The following WFDC8 variants were observed in gnomAD, a reference collection of about 807,000 sequenced individuals.
The protein encoded by WFDC8 is WAP four-disulfide core domain protein 8.
Under a neutral mutation model 27.0 loss-of-function variants are expected in WFDC8, and 24 were observed. The ratio of observed to expected loss-of-function variants is 0.89; its 90% CI spans 0.64 to 1.25. WFDC8 has a LOEUF of 1.25. Ranked by LOEUF, WFDC8 falls within the 50% of genes most tolerant of loss-of-function variation. The pLI is 0.00. For missense variants in WFDC8, 287 were observed against 295.9 expected (o/e 0.97, Z 0.22); for synonymous variants, 106 against 99.7 (o/e 1.06, Z -0.38).
At chr20:45,567,881 A>T (rs779438722) in intron 1 of WFDC8, 10 of 167,546 alleles carry the variant, frequency 6.0e-5, no homozygotes, top group Non-Finnish European at 1.3e-4. Context: ...GCTGCAGTGC[A>T]GCCGGGCCAT....
intron 1 of WFDC8, chr20:45,568,498 A>C: frequency 3.0e-6 from 1 of 334,844 alleles, no homozygotes; most frequent in South Asian, 2.8e-5. Flanking sequence ...CTGAAATTGT[A>C]TTCTTGATAG....
intron 1 of WFDC8, among the ~76,000 whole-genome samples, chr20:45,566,392 T>C (rs4812917): frequency 0.38 from 58,261 of 152,048 alleles, 11,635 homozygotes; most frequent in Non-Finnish European, 0.43. Flanking sequence ...CCAGGTGCAG[T>C]GGCTCATGCC....
At chr20:45,562,256 A>G (rs1415063333) in intron 1 of WFDC8, 37 bp from the exon 2 acceptor site, 2 of 1,551,710 alleles carry the variant, frequency 1.3e-6, no homozygotes, top group Non-Finnish European at 1.8e-6. Context: ...GTTAAGCACA[A>G]TCCAGAGAGA....
chr20:45,552,170 A>G lies in WFDC8; in HGVS notation c.587-5T>C, dbSNP rs904847993. 1 of 1,612,832 alleles carries G rather than the reference A, an allele frequency of 6.2e-7. No individual in the cohort carries two copies. Among genetic ancestry groups the G allele is most frequent in the Non-Finnish European group, 8.5e-7 (1 of 1,179,570 alleles). ...GTGGGCAGAAACCTTTTTTGACTTTATGGGGTAAAAGAAAACACTTGACCT... is the reference window on the plus strand; with the variant it reads ...GTGGGCAGAAACCTTTTTTGACTTTGTGGGGTAAAAGAAAACACTTGACCT... On this transcript the variant is annotated splice_region_variant and splice_polypyrimidine_tract_variant and intron_variant, in intron 5 of 5. Transcript: ENST00000289953.
intron 1 of WFDC8, chr20:45,568,559 C>A: frequency 6.3e-6 from 3 of 473,572 alleles, no homozygotes; most frequent in South Asian, 3.3e-5. Context: ...GAGCTAATGC[C>A]CAACACTATC....
At chr20:45,575,705 G>A (rs1344910660) in intron 1 of WFDC8, among the ~76,000 whole-genome samples, 1 of 151,200 alleles carries the variant, frequency 6.6e-6, no homozygotes, top group African/African-American at 2.4e-5. Context: ...GGAGCTGGGG[G>A]AGCAGTGTGA....
Position 45,567,743 on chromosome 20 carries a change from A to G in WFDC8, c.27-5524T>C, listed in dbSNP as rs547227410. 2.0e-5 allele frequency among the ~76,000 whole-genome samples: 3 copies of G among 152,276 alleles called. No homozygotes were observed. In the South Asian group the frequency reaches 6.2e-4, roughly 32 times the overall value. ...ACGTAAAAGCACAGGGAGGTTGGTG[A>G]CTCCCATCTGGAATAAAGATTTGTT... On this transcript the variant is annotated intron_variant, in intron 1 of 5. Transcript: ENST00000289953.
At chr20:45,576,781 T>G (rs1045869813) in intron 1 of WFDC8, among the ~76,000 whole-genome samples, 3 of 151,536 alleles carry the variant, frequency 2.0e-5, no homozygotes, top group African/African-American at 7.2e-5. Context: ...TCCATTCTTT[T>G]GCGTTCAACC....
In WFDC8 at chr20:45,553,130, C is replaced by G. The variant is rs2145559996; in HGVS notation, c.586+6G>C. On this transcript the variant is annotated splice_donor_region_variant and intron_variant, in intron 5 of 5. Coordinates refer to ENST00000289953, the MANE Select transcript of WFDC8 (RefSeq NM_130896.3). ...TAGATTTGGGAGGTATATCCCCAAT[C>G]CTTACCTGTCCAGGCCCTGGCACAA... is the stretch of plus-strand genomic sequence containing the variant. The G allele has an allele frequency of 6.2e-7, 1 of 1,610,614 alleles. No individual in the cohort carries two copies. Among genetic ancestry groups the G allele is most frequent in the East Asian group, 2.2e-5 (1 of 44,810 alleles).
At chr20:45,568,977 C>T (rs111795617) in intron 1 of WFDC8, among the ~76,000 whole-genome samples, 111 of 152,288 alleles carry the variant, frequency 7.3e-4, no homozygotes, top group African/African-American at 2.5e-3. Flanking sequence ...CAGATGAATC[C>T]AGCTTCTATG....
chr20:45,577,165 T>C (rs1015235841), intron 1 of WFDC8, among the ~76,000 whole-genome samples: 5 of 151,364 alleles, frequency 3.3e-5, no homozygotes, highest in African/African-American at 1.2e-4. Context: ...AGCTTCCTTT[T>C]TGCAGTCTAC....
At chr20:45,553,613 G>A (rs1164126156) in intron 4 of WFDC8, among the ~76,000 whole-genome samples, 1 of 152,122 alleles carries the variant, frequency 6.6e-6, no homozygotes. Context: ...AATGAAATGG[G>A]GATCCATCAC....
intron 1 of WFDC8, among the ~76,000 whole-genome samples, chr20:45,572,258 G>A (rs8121640): frequency 0.39 from 58,606 of 151,658 alleles, 11,796 homozygotes; most frequent in Non-Finnish European, 0.43. Context: ...GTAGCCGGGC[G>A]TGGTGGCGGG....
intron 1 of WFDC8, among the ~76,000 whole-genome samples, chr20:45,570,397 G>C (rs904746938): frequency 2.0e-5 from 3 of 151,980 alleles, no homozygotes; most frequent in Admixed American, 2.0e-4. Context: ...TTCTACCCCA[G>C]TGATTATATA....
At chr20:45,576,081 C>A (rs1284211950) in intron 1 of WFDC8, among the ~76,000 whole-genome samples, 1 of 151,450 alleles carries the variant, frequency 6.6e-6, no homozygotes, top group Non-Finnish European at 1.5e-5. Context: ...TATCTACATT[C>A]TGATACCGGA....
At chr20:45,570,101 G>A (rs1437158476) in intron 1 of WFDC8, among the ~76,000 whole-genome samples, 2 of 151,980 alleles carry the variant, frequency 1.3e-5, no homozygotes, top group Non-Finnish European at 2.9e-5. Context: ...CTTAATACAT[G>A]GGTGTCAAAA....
In WFDC8 at chr20:45,555,738, TAAG is replaced by T. The variant is rs769185066; in HGVS notation, c.405_407del (p.Phe135del). ...AGGCCGTTCTGCAGGCATCCTCATT[TAAG>T]AAGTTGTTGGCATTCCCTTCGCAGC... On this transcript the variant is annotated inframe_deletion, in exon 4 of 6. Transcript: ENST00000289953. The T allele has an allele frequency of 6.2e-7, 1 of 1,612,928 alleles. No homozygotes were observed. Among genetic ancestry groups the T allele is most frequent in the Non-Finnish European group, 8.5e-7 (1 of 1,179,998 alleles).
intron 2 of WFDC8, among the ~76,000 whole-genome samples, chr20:45,561,746 G>C (rs779558156): frequency 1.6e-5 from 1 of 61,710 alleles, no homozygotes; most frequent in Admixed American, 1.2e-4. Context: ...TTGCGTGTGT[G>C]TGTGTGTGTG....
rs188249340 is a variant in WFDC8, at chr20:45,571,469, C to T, written c.26+7753G>A. ...ATTAACACATCCATCACCTCAGATA[C>T]TTATCATTTTTTAAATTAGAACATT... On this transcript the variant is annotated intron_variant, in intron 1 of 5. Coordinates refer to ENST00000289953, the MANE Select transcript of WFDC8 (RefSeq NM_130896.3). Among the ~76,000 whole-genome samples the T allele has an allele frequency of 3.2e-3, 494 of 152,234 alleles. 3 individuals carry two copies. The highest frequency in any genetic ancestry group is 0.011 in the African/African-American group (467 of 41,534).
Sources: gnomAD v4.1 joint callset for allele counts (sites outside exome capture counted in the v4.1 genomes callset) on GRCh38, gnomAD v4.1.1 for gene constraint, MANE v1.5 for transcripts, NCBI Gene and HGNC (gene_info 2026-07-23, HGNC 2026-07-21) for gene names.